The following CWC27 variants were observed in gnomAD, a reference collection of about 807,000 sequenced individuals.
The protein encoded by CWC27 is spliceosome-associated protein CWC27 homolog.
In CWC27, 47 loss-of-function variants were observed where a neutral mutation model predicts 63.6. The ratio of observed to expected loss-of-function variants is 0.74; its 90% CI spans 0.58 to 0.94. The LOEUF (loss-of-function observed/expected upper bound fraction) is 0.94, where lower values mean the gene tolerates loss of function less well. Ranked by LOEUF, CWC27 falls within the 40% of genes least tolerant of loss-of-function variation. CWC27 has a pLI of 0.00. For synonymous variants in CWC27, 175 were observed against 179.8 expected, an observed-to-expected ratio of 0.97 and a Z score of 0.22; for missense variants, 495 against 554.3, an observed-to-expected ratio of 0.89 and a Z score of 1.07.
intron 10 of CWC27, among the ~76,000 whole-genome samples, chr5:64,809,500 T>TG (rs1216603031): frequency 1.3e-5 from 2 of 152,180 alleles, no homozygotes; most frequent in Non-Finnish European, 2.9e-5. Context: ...CCTAAGTAGC[T>TG]GGGACTACAG....
At chr5:65,004,530 G>C (rs921179896) in intron 13 of CWC27, among the ~76,000 whole-genome samples, 1 of 150,730 alleles carries the variant, frequency 6.6e-6, no homozygotes, top group African/African-American at 2.4e-5. Context: ...TTCAGTTTTA[G>C]ACTTTCTGTT....
At chr5:64,880,854 ATTTTTTTTTT>A (rs35152901) in intron 10 of CWC27, among the ~76,000 whole-genome samples, 1 of 136,032 alleles carries the variant, frequency 7.4e-6, no homozygotes, top group Non-Finnish European at 1.6e-5. Context: ...TATAAAAGCC[ATTTTTTTTTT>A]TTTTTTTTTT....
At chr5:64,841,772 T>A (rs1421841967) in intron 10 of CWC27, among the ~76,000 whole-genome samples, 2 of 152,194 alleles carry the variant, frequency 1.3e-5, no homozygotes, top group African/African-American at 4.8e-5. Context: ...GCCTCCTGGA[T>A]TCAGGCGATT....
intron 10 of CWC27, among the ~76,000 whole-genome samples, chr5:64,823,990 A>G (rs1745288215): frequency 6.6e-6 from 1 of 152,218 alleles, no homozygotes. Context: ...TGACAACCTC[A>G]TAGAACAAAA....
intron 13 of CWC27, among the ~76,000 whole-genome samples, chr5:65,010,290 A>G (rs1749924467): frequency 6.6e-6 from 1 of 152,160 alleles, no homozygotes; most frequent in Admixed American, 6.5e-5. Context: ...CAGCCCACCT[A>G]TGATACAGAG....
chr5:64,777,271 AC>A (rs531690407), intron 2 of CWC27, among the ~76,000 whole-genome samples: 2 of 152,080 alleles, frequency 1.3e-5, no homozygotes, highest in Non-Finnish European at 2.9e-5. Context: ...ATAATAGTTT[AC>A]TAATTCTTTA....
chr5:64,844,911 C>T, intron 10 of CWC27: 1 of 456,726 alleles, frequency 2.2e-6, no homozygotes, highest in Non-Finnish European at 4.4e-6. Flanking sequence ...TCTGGTATTT[C>T]TCCTCTCCCA....
chr5:64,899,674 G>A (rs953414975), intron 11 of CWC27, among the ~76,000 whole-genome samples: 4 of 152,258 alleles, frequency 2.6e-5, no homozygotes, highest in African/African-American at 7.2e-5. Flanking sequence ...GAACAGAAAC[G>A]AAAACATTTG....
At chr5:64,800,420 A>T (rs1580614911) in intron 8 of CWC27, 93 bp downstream of exon 8, 1 of 844,074 alleles carries the variant, frequency 1.2e-6, no homozygotes, top group Non-Finnish European at 1.8e-6. Context: ...AGTCCTCATA[A>T]GTCAAAAATT....
intron 10 of CWC27, among the ~76,000 whole-genome samples, chr5:64,817,493 C>T (rs951241360): frequency 3.3e-5 from 5 of 152,072 alleles, no homozygotes; most frequent in African/African-American, 9.7e-5. Flanking sequence ...CAAAGTTCTA[C>T]AACTTTTTAA....
intron 1 of CWC27, chr5:64,773,994 G>C (rs1458880172): frequency 1.3e-5 from 2 of 152,174 alleles, no homozygotes; most frequent in Non-Finnish European, 2.9e-5. Flanking sequence ...AATGAGCAGA[G>C]AGAGTAAAAG....
At chr5:64,907,547 C>T (rs1747677175) in intron 11 of CWC27, among the ~76,000 whole-genome samples, 1 of 152,174 alleles carries the variant, frequency 6.6e-6, no homozygotes, top group African/African-American at 2.4e-5. Flanking sequence ...TGCTTATCAG[C>T]TTAAGGAGAT....
At chr5:64,925,822 G>C (rs1022192219) in intron 11 of CWC27, among the ~76,000 whole-genome samples, 31 of 152,232 alleles carry the variant, frequency 2.0e-4, no homozygotes, top group Admixed American at 1.8e-3. Flanking sequence ...AATCTATTCT[G>C]ATGGGTCCTT....
intron 7 of CWC27, among the ~76,000 whole-genome samples, chr5:64,799,907 C>G (rs187825851): frequency 2.1e-3 from 324 of 152,036 alleles, no homozygotes; most frequent in South Asian, 0.012. Context: ...TTTCAATACT[C>G]TTGTGATGTA....
intron 13 of CWC27, among the ~76,000 whole-genome samples, chr5:64,983,896 T>C (rs1020498131): frequency 6.6e-6 from 1 of 152,186 alleles, no homozygotes; most frequent in African/African-American, 2.4e-5. Flanking sequence ...ACTGACAAGA[T>C]CTTGGCTCAC....
intron 13 of CWC27, among the ~76,000 whole-genome samples, chr5:65,005,564 T>G (rs1342555135): frequency 6.6e-6 from 1 of 151,300 alleles, no homozygotes; most frequent in Non-Finnish European, 1.5e-5. Flanking sequence ...TGGTGACAGA[T>G]GGGGCAGGCC....
intron 13 of CWC27, among the ~76,000 whole-genome samples, chr5:65,017,389 C>T (rs911781582): frequency 6.6e-6 from 1 of 152,212 alleles, no homozygotes; most frequent in Non-Finnish European, 1.5e-5. Context: ...CTTTGGACTT[C>T]CCTGTTTATT....
At chr5:64,808,367 T>G (rs540071377) in intron 10 of CWC27, 1 of 982,590 alleles carries the variant, frequency 1.0e-6, no homozygotes, top group African/African-American at 1.8e-5. Context: ...TGCAAACCTA[T>G]GTGCACCCTT....
intron 13 of CWC27, among the ~76,000 whole-genome samples, 160 bp downstream of exon 13, chr5:64,977,398 T>G (rs944384577): frequency 9.2e-5 from 14 of 152,152 alleles, no homozygotes; most frequent in African/African-American, 3.4e-4. Context: ...CAATATAAAG[T>G]AAAATAAATA....
Sources: allele counts gnomAD v4.1 joint callset (sites outside exome capture counted in the v4.1 genomes callset), GRCh38; gene constraint gnomAD v4.1.1; transcripts MANE v1.5; gene names NCBI Gene and HGNC (gene_info 2026-07-23, HGNC 2026-07-21).